Variants in SSBP2 observed in about 807,000 individuals in gnomAD.
SSBP2 encodes the protein single-stranded DNA-binding protein 2.
A neutral mutation model predicts 61.8 loss-of-function variants in SSBP2; 17 were observed. The ratio of observed to expected loss-of-function variants is 0.28; its 90% CI spans 0.19 to 0.41. The LOEUF is 0.41. Ranked by LOEUF, SSBP2 falls within the 10% of genes least tolerant of loss-of-function variation. The pLI is 1.00. For synonymous variants in SSBP2, 139 were observed against 141.3 expected, an observed-to-expected ratio of 0.98 and a Z score of 0.12; for missense variants, 310 against 458.7, an observed-to-expected ratio of 0.68 and a Z score of 2.96.
At chr5:81,723,975 T>C (rs1755712213) in intron 1 of SSBP2, among the ~76,000 whole-genome samples, 1 of 152,060 alleles carries the variant, frequency 6.6e-6, no homozygotes, top group Non-Finnish European at 1.5e-5. Context: ...ACAATTTCTA[T>C]CACTTCTAAC....
chr5:81,644,728 G>A lies in SSBP2; in HGVS notation c.135+5539C>T, dbSNP rs188982274. On this transcript the variant is annotated intron_variant, in intron 2 of 16. Coordinates refer to ENST00000320672, the MANE Select transcript of SSBP2 (RefSeq NM_012446.5). ...CATAAAAAAGGGATAGACCATAAGAGGGAGAACCAGAGTGGGGCTATAATC... is the reference window on the plus strand; with the variant it reads ...CATAAAAAAGGGATAGACCATAAGAAGGAGAACCAGAGTGGGGCTATAATC... 2.1e-3 allele frequency among the ~76,000 whole-genome samples: 316 copies of A among 152,242 alleles called. 2 individuals carry two copies. The highest frequency in any genetic ancestry group is 7.4e-3 in the African/African-American group (307 of 41,540).
chr5:81,613,304 C>T (rs955637009), intron 4 of SSBP2, among the ~76,000 whole-genome samples: 8 of 152,070 alleles, frequency 5.3e-5, no homozygotes, highest in Non-Finnish European at 1.0e-4. Context: ...GACCAAATTA[C>T]ACAGTAAGGG....
intron 4 of SSBP2, among the ~76,000 whole-genome samples, chr5:81,555,443 A>G (rs961605378): frequency 6.6e-6 from 1 of 152,086 alleles, no homozygotes. Context: ...AATTAAAGAC[A>G]CCAAATGTGT....
chr5:81,602,986 C>T (rs1020356847), intron 4 of SSBP2, among the ~76,000 whole-genome samples: 3 of 152,190 alleles, frequency 2.0e-5, no homozygotes, highest in Admixed American at 6.5e-5. Flanking sequence ...TCTTTCTACC[C>T]ACCAGCTGGT....
intron 4 of SSBP2, among the ~76,000 whole-genome samples, chr5:81,537,417 G>C (rs1196881723): frequency 1.3e-5 from 2 of 152,096 alleles, no homozygotes; most frequent in East Asian, 3.9e-4. Flanking sequence ...CAAAATTTCA[G>C]TGACCATCAT....
chr5:81,572,026 T>C lies in SSBP2; in HGVS notation c.282+43447A>G, dbSNP rs1013533433. ...ATTAAATGTTTTTAAATTAAAGAGC[T>C]CCAAGAAATAGCAGATCAATTTGGA... is the stretch of plus-strand genomic sequence containing the variant. On this transcript the variant is annotated intron_variant, in intron 4 of 16. Coordinates refer to ENST00000320672, the MANE Select transcript of SSBP2 (RefSeq NM_012446.5). 3.3e-5 allele frequency among the ~76,000 whole-genome samples: 5 copies of C among 152,208 alleles called. No homozygotes were observed. In the East Asian group the frequency reaches 7.7e-4, roughly 23 times the overall value.
chr5:81,428,011 TG>T (rs1232257491), intron 16 of SSBP2, among the ~76,000 whole-genome samples: 2 of 152,244 alleles, frequency 1.3e-5, no homozygotes, highest in Admixed American at 1.3e-4. Flanking sequence ...TGCCTTGGCA[TG>T]TGGTAAGTGC....
In SSBP2 at chr5:81,733,088, A is replaced by T. The variant is rs1044062730; in HGVS notation, c.62+17893T>A. On this transcript the variant is annotated intron_variant, in intron 1 of 16. Coordinates refer to ENST00000320672, the MANE Select transcript of SSBP2 (RefSeq NM_012446.5). ...TTAAAGTTCTAAAATATTTCAATAA[A>T]CTTGTTTGTTAAATATTATAGCCTT... Among the ~76,000 whole-genome samples the T allele has an allele frequency of 3.3e-5, 5 of 152,186 alleles. No individual in the cohort carries two copies. In the East Asian group the frequency reaches 9.6e-4, roughly 29 times the overall value.
intron 4 of SSBP2, among the ~76,000 whole-genome samples, chr5:81,609,629 C>T (rs903220016): frequency 2.0e-5 from 3 of 152,096 alleles, no homozygotes; most frequent in African/African-American, 7.2e-5. Flanking sequence ...GGTGAAACCC[C>T]ACCTCCAAGC....
intron 10 of SSBP2, among the ~76,000 whole-genome samples, chr5:81,454,714 AAAAG>A (rs1303765663): frequency 6.6e-6 from 1 of 152,038 alleles, no homozygotes; most frequent in Admixed American, 6.6e-5. Context: ...ATAAAAATAA[AAAAG>A]AGAGAGAGAG....
At chr5:81,648,211 A>G (rs1468350309) in intron 2 of SSBP2, among the ~76,000 whole-genome samples, 1 of 152,128 alleles carries the variant, frequency 6.6e-6, no homozygotes, top group Non-Finnish European at 1.5e-5. Flanking sequence ...TGCAATCTCA[A>G]TCACTTCTTC....
At chr5:81,709,452 C>T (rs979412689) in intron 1 of SSBP2, among the ~76,000 whole-genome samples, 5 of 151,918 alleles carry the variant, frequency 3.3e-5, no homozygotes, top group Non-Finnish European at 4.4e-5. Context: ...ATCTTCTCTA[C>T]CTATATGCAG....
rs1017681665 is a variant in SSBP2 at position 81,499,494 on chromosome 5, T to C, written c.373-10185A>G. The stretch of plus-strand genomic sequence containing the variant: ...GAGACTAAGCTGTCTGCTGGTCTAA[T>C]AAACTGTGAATGTTTTCATAATATT... On this transcript the variant is annotated intron_variant, in intron 5 of 16. Coordinates refer to ENST00000320672, the MANE Select transcript of SSBP2 (RefSeq NM_012446.5). Among the ~76,000 whole-genome samples the C allele has an allele frequency of 7.9e-5, 12 of 152,210 alleles. 1 individual carries two copies. The highest frequency in any genetic ancestry group is 2.4e-5 in the African/African-American group (1 of 41,452).
At chr5:81,640,756 A>C (rs1748713227) in intron 2 of SSBP2, among the ~76,000 whole-genome samples, 1 of 152,124 alleles carries the variant, frequency 6.6e-6, no homozygotes, top group Admixed American at 6.5e-5. Context: ...CCTTCTCTCA[A>C]AAACTCTGAT....
chr5:81,555,876 G>GT (rs1772554138), intron 4 of SSBP2, among the ~76,000 whole-genome samples: 1 of 151,956 alleles, frequency 6.6e-6, no homozygotes, highest in South Asian at 2.1e-4. Flanking sequence ...ATTTTTCCAA[G>GT]TTTTTACTGC....
At chr5:81,707,177 G>T (rs1371846665) in intron 1 of SSBP2, among the ~76,000 whole-genome samples, 1 of 152,052 alleles carries the variant, frequency 6.6e-6, no homozygotes, top group Non-Finnish European at 1.5e-5. Context: ...TTCTTGGAAA[G>T]AAAAGTCAAC....
chr5:81,634,612 A>T (rs963232566), intron 3 of SSBP2, among the ~76,000 whole-genome samples: 1 of 152,212 alleles, frequency 6.6e-6, no homozygotes, highest in African/African-American at 2.4e-5. Flanking sequence ...CTGCTTAAAA[A>T]CTGCATTGTA....
chr5:81,426,697 C>G (rs1327231403), intron 16 of SSBP2, among the ~76,000 whole-genome samples: 3 of 152,228 alleles, frequency 2.0e-5, no homozygotes, highest in African/African-American at 2.4e-5. Flanking sequence ...CCTGGCATAT[C>G]TGAATCTTTG....
intron 1 of SSBP2, among the ~76,000 whole-genome samples, chr5:81,750,231 G>A (rs1343648425): frequency 6.8e-6 from 1 of 146,276 alleles, no homozygotes; most frequent in Admixed American, 6.7e-5. Context: ...CGTCTCCGGC[G>A]CCCACCCGCC....
Sources: allele counts gnomAD v4.1 joint callset (sites outside exome capture counted in the v4.1 genomes callset), GRCh38; gene constraint gnomAD v4.1.1; transcripts MANE v1.5; gene names NCBI Gene and HGNC (gene_info 2026-07-23, HGNC 2026-07-21).